The following CIMAP1D variants were observed in gnomAD, a reference collection of about 807,000 sequenced individuals.
CIMAP1D encodes CIMAP1 family member D.
chr19:488,032 G>A, the CIMAP1D span, among the ~76,000 whole-genome samples: 15 of 152,148 alleles, frequency 9.9e-5, no homozygotes, highest in Admixed American at 9.2e-4. Context: ...TTGTTCAATC[G>A]ATCACGACCC....
the CIMAP1D span, among the ~76,000 whole-genome samples, chr19:481,134 TG>T: frequency 6.3e-5 from 4 of 63,456 alleles, no homozygotes; most frequent in African/African-American, 5.8e-4. Context: ...GGAAGGATGA[TG>T]GGGAAGGATG....
chr19:474,617 G>T, the CIMAP1D span: 5 of 1,544,552 alleles, frequency 3.2e-6, no homozygotes, highest in Admixed American at 9.2e-5. Context: ...CGGCTGGCAC[G>T]CACCGTTCTC....
the CIMAP1D span, among the ~76,000 whole-genome samples, chr19:467,094 C>G: frequency 1.3e-5 from 1 of 78,768 alleles, no homozygotes; most frequent in Non-Finnish European, 2.3e-5. Flanking sequence ...AGTGGATGGA[C>G]GGGTGGATAG....
the CIMAP1D span, chr19:490,033 GGTGGTA>G: frequency 1.0e-5 from 4 of 398,578 alleles, no homozygotes; most frequent in Non-Finnish European, 1.8e-5. Flanking sequence ...AAAAGAAATG[GGTGGTA>G]GTAAGTAAAA....
the CIMAP1D span, among the ~76,000 whole-genome samples, chr19:479,410 TTG>T: frequency 0.45 from 36,182 of 81,218 alleles, 5,632 homozygotes; most frequent in Non-Finnish European, 0.5. Flanking sequence ...TTTTTTTTTT[TTG>T]GGGGGGGGGG....
At chr19:467,022 TTGGGTGGAGGGTGGAAGGA>T in the CIMAP1D span, among the ~76,000 whole-genome samples, 1 of 87,990 alleles carries the variant, frequency 1.1e-5, no homozygotes, top group Non-Finnish European at 2.2e-5. Context: ...GGATAGATGG[TTGGGTGGAGGGTGGAAGGA>T]TGGGTGGATA....
chr19:463,396 T>C, the CIMAP1D span: 1 of 207,812 alleles, frequency 4.8e-6, no homozygotes. Context: ...TAAGCAACTG[T>C]AGAAGGTGGA....
the CIMAP1D span, chr19:474,646 G>A: frequency 1.9e-6 from 3 of 1,580,514 alleles, no homozygotes; most frequent in Non-Finnish European, 1.7e-6. Flanking sequence ...CCGTCCCACA[G>A]GACTTCCTCA....
At chr19:483,798 CTG>C in the CIMAP1D span, among the ~76,000 whole-genome samples, 253 of 152,348 alleles carry the variant, frequency 1.7e-3, no homozygotes, top group African/African-American at 5.6e-3. Context: ...GGGATCAACA[CTG>C]TGTCCCCAGC....
the CIMAP1D span, chr19:489,958 G>T: frequency 1.0e-5 from 4 of 398,190 alleles, no homozygotes; most frequent in Middle Eastern, 6.2e-4. Flanking sequence ...TGCTGAGAGA[G>T]GCCAGAGCGG....
the CIMAP1D span, among the ~76,000 whole-genome samples, chr19:474,225 G>T: frequency 6.6e-6 from 1 of 152,228 alleles, no homozygotes; most frequent in Admixed American, 6.5e-5. Flanking sequence ...AGCAGCTGAT[G>T]TGGCTCCCAG....
At chr19:466,761 G>A in the CIMAP1D span, among the ~76,000 whole-genome samples, 1 of 130,072 alleles carries the variant, frequency 7.7e-6, no homozygotes, top group Non-Finnish European at 1.6e-5. Context: ...GGATGGTTGG[G>A]TGGGTGGATG....
At chr19:463,426 C>G in the CIMAP1D span, 1 of 252,488 alleles carries the variant, frequency 4.0e-6, no homozygotes, top group Non-Finnish European at 7.5e-6. Flanking sequence ...GCACAGGCCT[C>G]GGGGCTGCCT....
chr19:465,706 T>G, the CIMAP1D span, among the ~76,000 whole-genome samples: 7 of 103,030 alleles, frequency 6.8e-5, no homozygotes, highest in African/African-American at 8.2e-5. Context: ...GGTGGGTGGG[T>G]GGATAGATGA....
At chr19:475,722 G>A in the CIMAP1D span, among the ~76,000 whole-genome samples, 9 of 151,974 alleles carry the variant, frequency 5.9e-5, no homozygotes, top group Admixed American at 2.0e-4. Flanking sequence ...TGAGATGCAC[G>A]TTCCTGTCTC....
the CIMAP1D span, among the ~76,000 whole-genome samples, chr19:480,074 G>A: frequency 1.3e-5 from 2 of 152,244 alleles, no homozygotes; most frequent in Admixed American, 6.5e-5. Context: ...GGAGCCTCGC[G>A]GAGAAGGTCA....
the CIMAP1D span, among the ~76,000 whole-genome samples, chr19:488,689 A>G: frequency 6.6e-6 from 1 of 152,184 alleles, no homozygotes; most frequent in Admixed American, 6.5e-5. Context: ...GCGTCCCGGA[A>G]CCTGGATCCC....
chr19:465,013 CGGAT>C, the CIMAP1D span, among the ~76,000 whole-genome samples: 6 of 83,856 alleles, frequency 7.2e-5, no homozygotes, highest in Admixed American at 5.3e-4. Flanking sequence ...GGAGGGTGGG[CGGAT>C]GGATGGATGG....
chr19:470,792 C>G, the CIMAP1D span, among the ~76,000 whole-genome samples: 5 of 152,272 alleles, frequency 3.3e-5, no homozygotes, highest in Admixed American at 2.6e-4. Flanking sequence ...AGCCCTGAGA[C>G]CTGCTGGCCC....
Sources: allele counts gnomAD v4.1 joint callset (sites outside exome capture counted in the v4.1 genomes callset), GRCh38; gene constraint gnomAD v4.1.1; transcripts MANE v1.5; gene names NCBI Gene and HGNC (gene_info 2026-07-23, HGNC 2026-07-21).